MSRA: variants seen among roughly 807,000 people sequenced by gnomAD.
The protein encoded by MSRA is methionine sulfoxide reductase A.
MSRA carries 54 observed loss-of-function variants against 31.3 expected under a neutral mutation model. That is an observed-to-expected ratio of 1.73 (90% confidence interval 1.39 to 2.17). The LOEUF is 2.17. Ranked by LOEUF, MSRA falls within the 30% of genes most tolerant of loss-of-function variation. MSRA has a pLI of 0.00. For synonymous variants in MSRA, 169 were observed against 116.5 expected, an observed-to-expected ratio of 1.45 and a Z score of -2.90; for missense variants, 507 against 300.9, an observed-to-expected ratio of 1.69 and a Z score of -5.07.
At chr8:10,162,610 G>A (rs1368787473) in intron 1 of MSRA, among the ~76,000 whole-genome samples, 1 of 152,146 alleles carries the variant, frequency 6.6e-6, no homozygotes, top group Non-Finnish European at 1.5e-5. Context: ...TGTGGCACAG[G>A]GGAAACCCGT....
chr8:10,227,365 A>C (rs187585407), intron 2 of MSRA, among the ~76,000 whole-genome samples: 2 of 152,160 alleles, frequency 1.3e-5, no homozygotes, highest in African/African-American at 4.8e-5. Context: ...TCAAGCTCTC[A>C]TTAGATCTGT....
intron 1 of MSRA, among the ~76,000 whole-genome samples, chr8:10,160,453 C>T (rs1205537728): frequency 2.0e-5 from 3 of 151,690 alleles, no homozygotes. Flanking sequence ...CAAGATGGTG[C>T]CACCGCACTC....
intron 2 of MSRA, among the ~76,000 whole-genome samples, chr8:10,208,469 G>A (rs1447496252): frequency 2.0e-5 from 3 of 152,194 alleles, no homozygotes; most frequent in Admixed American, 2.0e-4. Context: ...TGGTGAAGAG[G>A]TCCTTTTTAA....
chr8:10,117,266 G>A (rs888883090), intron 1 of MSRA, among the ~76,000 whole-genome samples: 2 of 152,184 alleles, frequency 1.3e-5, no homozygotes, highest in African/African-American at 4.8e-5. Context: ...ATGGGATGGG[G>A]GAGGAGAGAG....
intron 5 of MSRA, among the ~76,000 whole-genome samples, chr8:10,356,909 AAT>A (rs796169872): frequency 0.15 from 11,759 of 77,588 alleles, 1,193 homozygotes; most frequent in East Asian, 0.55. Flanking sequence ...AAAAAAAAAA[AAT>A]ATATGTGTCT....
intron 5 of MSRA, among the ~76,000 whole-genome samples, chr8:10,385,804 G>A (rs1489405766): frequency 6.7e-6 from 1 of 149,566 alleles, no homozygotes; most frequent in South Asian, 2.1e-4. Flanking sequence ...CACTCACCTG[G>A]TGGGGGGTGG....
At chr8:10,392,930 C>T (rs949274700) in intron 5 of MSRA, among the ~76,000 whole-genome samples, 23 of 146,268 alleles carry the variant, frequency 1.6e-4, no homozygotes, top group Admixed American at 3.4e-4. Flanking sequence ...GCAGTAATGG[C>T]GGGCGCCTAT....
At chr8:10,160,466 G>T (rs1017761073) in intron 1 of MSRA, among the ~76,000 whole-genome samples, 3 of 151,346 alleles carry the variant, frequency 2.0e-5, no homozygotes, top group Non-Finnish European at 4.4e-5. Context: ...CCGCACTCTA[G>T]CCTGGGCAAC....
intron 3 of MSRA, among the ~76,000 whole-genome samples, chr8:10,283,802 C>CATAT (rs375322603): frequency 0.025 from 1,135 of 45,814 alleles, 14 homozygotes; most frequent in East Asian, 0.055. Context: ...TATTCTATCT[C>CATAT]ATATATATAT....
intron 3 of MSRA, among the ~76,000 whole-genome samples, chr8:10,252,261 A>G (rs60515866): frequency 0.019 from 2,921 of 152,282 alleles, 91 homozygotes; most frequent in African/African-American, 0.066. Flanking sequence ...AGAACACCCA[A>G]AAGAAGTTCG....
At chr8:10,185,064 C>T (rs1205647914) in intron 1 of MSRA, among the ~76,000 whole-genome samples, 1 of 152,158 alleles carries the variant, frequency 6.6e-6, no homozygotes, top group Non-Finnish European at 1.5e-5. Context: ...GTAAACATTC[C>T]CAACATTTAC....
chr8:10,083,060 G>T (rs923460824), intron 1 of MSRA, among the ~76,000 whole-genome samples: 1 of 152,154 alleles, frequency 6.6e-6, no homozygotes, highest in South Asian at 2.1e-4. Context: ...GAATTTGGAA[G>T]CACGTAACCA....
At chr8:10,254,866 A>C (rs1798095458) in intron 3 of MSRA, among the ~76,000 whole-genome samples, 1 of 152,266 alleles carries the variant, frequency 6.6e-6, no homozygotes, top group Non-Finnish European at 1.5e-5. Context: ...TATAAAAAAT[A>C]ATCTAGAGAT....
intron 1 of MSRA, among the ~76,000 whole-genome samples, chr8:10,063,241 A>T (rs908029815): frequency 6.6e-6 from 1 of 152,120 alleles, no homozygotes; most frequent in Non-Finnish European, 1.5e-5. Context: ...CCTTCCTCCC[A>T]TGAGTCCCGA....
intron 5 of MSRA, among the ~76,000 whole-genome samples, chr8:10,403,120 C>T (rs1306154784): frequency 1.3e-5 from 2 of 152,220 alleles, no homozygotes; most frequent in African/African-American, 2.4e-5. Context: ...CCAGTCCCCA[C>T]AAATTATAAG....
intron 1 of MSRA, among the ~76,000 whole-genome samples, chr8:10,094,284 C>T (rs10216752): frequency 0.22 from 33,386 of 152,044 alleles, 6,442 homozygotes; most frequent in African/African-American, 0.53. Context: ...TTATGTGATC[C>T]GTTCCCATAA....
At chr8:10,073,561 T>A (rs1797845636) in intron 1 of MSRA, among the ~76,000 whole-genome samples, 1 of 98,004 alleles carries the variant, frequency 1.0e-5, no homozygotes, top group Admixed American at 1.1e-4. Context: ...CTTTTTTCTT[T>A]CTTTTTTTCC....
chr8:10,377,465 C>G (rs1805820051), intron 5 of MSRA, among the ~76,000 whole-genome samples: 1 of 152,208 alleles, frequency 6.6e-6, no homozygotes, highest in African/African-American at 2.4e-5. Flanking sequence ...GAAGGCAGAG[C>G]TTCTCTTGTA....
intron 3 of MSRA, among the ~76,000 whole-genome samples, chr8:10,252,746 G>A (rs2975702): frequency 0.65 from 98,670 of 151,702 alleles, 32,550 homozygotes; most frequent in Non-Finnish European, 0.71. Flanking sequence ...ATAATAAGCT[G>A]GTACGCACCT....
Sources: allele counts gnomAD v4.1 joint callset (sites outside exome capture counted in the v4.1 genomes callset), GRCh38; gene constraint gnomAD v4.1.1; transcripts MANE v1.5; gene names NCBI Gene and HGNC (gene_info 2026-07-23, HGNC 2026-07-21).